The following CDH13 variants were observed in gnomAD, a reference collection of about 807,000 sequenced individuals.
The protein encoded by CDH13 is cadherin 13.
CDH13 carries 24 observed loss-of-function variants against 63.8 expected under a neutral mutation model. The ratio of observed to expected loss-of-function variants is 0.38; its 90% CI spans 0.27 to 0.53. CDH13 has a LOEUF of 0.53. Ranked by LOEUF, CDH13 falls within the 20% of genes least tolerant of loss-of-function variation. The pLI, the probability that CDH13 is intolerant of heterozygous loss-of-function variation, is 0.85. For missense variants in CDH13, 1,049 were observed against 903.1 expected, an observed-to-expected ratio of 1.16 and a Z score of -2.07; for synonymous variants, 503 against 355.3, an observed-to-expected ratio of 1.42 and a Z score of -4.67.
chr16:83,341,162 A>G (rs548462701), intron 5 of CDH13, among the ~76,000 whole-genome samples: 28 of 152,318 alleles, frequency 1.8e-4, no homozygotes, highest in African/African-American at 6.0e-4. Context: ...GAACCCAAAC[A>G]CAGCCACTTG....
chr16:83,484,744 T>A (rs567042385), intron 6 of CDH13, among the ~76,000 whole-genome samples: 1 of 152,302 alleles, frequency 6.6e-6, no homozygotes, highest in East Asian at 1.9e-4. Flanking sequence ...AAACTGTACC[T>A]GTAAAACATG....
chr16:82,784,684 G>T (rs1490103424), intron 1 of CDH13, among the ~76,000 whole-genome samples: 1 of 152,142 alleles, frequency 6.6e-6, no homozygotes, highest in Non-Finnish European at 1.5e-5. Flanking sequence ...GGCACCATGA[G>T]AGCTGGTAAC....
At chr16:83,418,434 C>A (rs2071616835) in intron 6 of CDH13, among the ~76,000 whole-genome samples, 1 of 152,142 alleles carries the variant, frequency 6.6e-6, no homozygotes, top group Non-Finnish European at 1.5e-5. Flanking sequence ...GGAGTAGTTT[C>A]TCTTCCTCTT....
At chr16:82,839,273 G>A (rs764684785) in intron 1 of CDH13, among the ~76,000 whole-genome samples, 1 of 152,158 alleles carries the variant, frequency 6.6e-6, no homozygotes, top group Non-Finnish European at 1.5e-5. Flanking sequence ...TTCCTCCCCT[G>A]GCCCTCTAGG....
At chr16:83,466,353 G>A (rs2073315429) in intron 6 of CDH13, among the ~76,000 whole-genome samples, 1 of 152,140 alleles carries the variant, frequency 6.6e-6, no homozygotes, top group Admixed American at 6.5e-5. Flanking sequence ...CCAGGCAAGA[G>A]AGTCTAGCGG....
At chr16:82,771,414 GT>G (rs1439325018) in intron 1 of CDH13, among the ~76,000 whole-genome samples, 1 of 152,180 alleles carries the variant, frequency 6.6e-6, no homozygotes, top group Non-Finnish European at 1.5e-5. Context: ...TATGACTGGT[GT>G]TTGTAAGGGT....
intron 1 of CDH13, among the ~76,000 whole-genome samples, chr16:82,708,653 G>A (rs749131782): frequency 9.9e-5 from 15 of 151,978 alleles, no homozygotes; most frequent in Non-Finnish European, 1.2e-4. Context: ...GATCTGATTC[G>A]CCCAGCTCAA....
chr16:83,161,975 T>A (rs1227800913), intron 4 of CDH13, among the ~76,000 whole-genome samples: 1 of 152,226 alleles, frequency 6.6e-6, no homozygotes, highest in Non-Finnish European at 1.5e-5. Flanking sequence ...TTTCTATCAG[T>A]GCCAAATTCT....
chr16:82,633,911 A>G (rs533264823), intron 1 of CDH13, among the ~76,000 whole-genome samples: 1 of 152,362 alleles, frequency 6.6e-6, no homozygotes, highest in South Asian at 2.1e-4. Flanking sequence ...CCCAAAGATC[A>G]GAGTAAATAT....
chr16:82,964,349 C>T (rs533890528), intron 2 of CDH13, among the ~76,000 whole-genome samples: 34 of 152,164 alleles, frequency 2.2e-4, no homozygotes, highest in Non-Finnish European at 3.4e-4. Flanking sequence ...ATCAAGTACA[C>T]GACATCTCAA....
intron 5 of CDH13, among the ~76,000 whole-genome samples, chr16:83,243,635 G>A (rs1409864044): frequency 6.6e-6 from 1 of 152,118 alleles, no homozygotes; most frequent in African/African-American, 2.4e-5. Flanking sequence ...GGCTTCAAAG[G>A]ACTCAATCTA....
intron 4 of CDH13, among the ~76,000 whole-genome samples, chr16:83,140,576 C>T (rs1300929101): frequency 2.6e-5 from 4 of 152,158 alleles, no homozygotes; most frequent in Non-Finnish European, 5.9e-5. Flanking sequence ...GCCTCAGCCC[C>T]CAGGGTAGCT....
intron 3 of CDH13, among the ~76,000 whole-genome samples, chr16:83,039,272 T>C (rs971410663): frequency 5.9e-5 from 9 of 152,202 alleles, no homozygotes; most frequent in African/African-American, 1.9e-4. Context: ...TGGGGATAAA[T>C]TCTAAAGACA....
chr16:82,770,098 C>G (rs1443593108), intron 1 of CDH13, among the ~76,000 whole-genome samples: 1 of 152,204 alleles, frequency 6.6e-6, no homozygotes, highest in Non-Finnish European at 1.5e-5. Context: ...TTGGGAAGTT[C>G]TCCTTTGAGT....
intron 1 of CDH13, among the ~76,000 whole-genome samples, chr16:82,752,534 T>C (rs2034460374): frequency 6.6e-6 from 1 of 152,242 alleles, no homozygotes; most frequent in African/African-American, 2.4e-5. Context: ...ACATAAGCCC[T>C]AACTCTGAAA....
intron 10 of CDH13, among the ~76,000 whole-genome samples, chr16:83,730,857 C>G (rs1910965688): frequency 6.6e-6 from 1 of 152,160 alleles, no homozygotes; most frequent in African/African-American, 2.4e-5. Context: ...TTGCTCCCAT[C>G]TTTGTGTCTG....
intron 3 of CDH13, among the ~76,000 whole-genome samples, chr16:83,061,771 G>C (rs144138707): frequency 2.6e-5 from 4 of 152,300 alleles, no homozygotes; most frequent in East Asian, 1.9e-4. Context: ...CCTCACCCCA[G>C]ATACGGCACT....
intron 7 of CDH13, among the ~76,000 whole-genome samples, chr16:83,560,130 G>C (rs946760880): frequency 1.3e-5 from 2 of 152,156 alleles, no homozygotes; most frequent in Non-Finnish European, 2.9e-5. Context: ...GCTACTCTGT[G>C]TTAGTCCCTG....
intron 2 of CDH13, among the ~76,000 whole-genome samples, chr16:82,913,121 A>T (rs939785866): frequency 5.3e-5 from 8 of 152,040 alleles, no homozygotes; most frequent in Non-Finnish European, 1.0e-4. Flanking sequence ...GTTTAAGTAA[A>T]TTTTTTTCTT....
Sources: gnomAD v4.1 joint callset for allele counts (sites outside exome capture counted in the v4.1 genomes callset) on GRCh38, gnomAD v4.1.1 for gene constraint, MANE v1.5 for transcripts, NCBI Gene and HGNC (gene_info 2026-07-23, HGNC 2026-07-21) for gene names.